Variants in MBTD1 observed in about 807,000 individuals in gnomAD.
MBTD1 encodes MBT domain-containing protein 1.
Under a neutral mutation model 87.8 loss-of-function variants are expected in MBTD1, and 24 were observed. The ratio of observed to expected loss-of-function variants is 0.27; its 90% CI spans 0.20 to 0.38. The LOEUF (loss-of-function observed/expected upper bound fraction) is 0.38. Ranked by LOEUF, MBTD1 falls within the 10% of genes least tolerant of loss-of-function variation. The probability of loss-of-function intolerance (pLI) is 1.00; values close to 1 mark genes in which losing one functional copy is unlikely to be tolerated. For synonymous variants in MBTD1, 237 were observed against 248.6 expected, an observed-to-expected ratio of 0.95 and a Z score of 0.44; for missense variants, 436 against 760.2, an observed-to-expected ratio of 0.57 and a Z score of 5.02.
intron 2 of MBTD1, among the ~76,000 whole-genome samples, chr17:51,235,422 C>T (rs1021600079): frequency 6.6e-6 from 1 of 152,078 alleles, no homozygotes; most frequent in Non-Finnish European, 1.5e-5. Context: ...ACAGGTGTGA[C>T]CCATTATGCC....
chr17:51,243,816 C>T (rs971132436), intron 2 of MBTD1, among the ~76,000 whole-genome samples: 1 of 152,126 alleles, frequency 6.6e-6, no homozygotes, highest in Non-Finnish European at 1.5e-5. Flanking sequence ...TGTACACTGA[C>T]GTGTTTCGTT....
chr17:51,222,389 G>A (rs1322360562), intron 3 of MBTD1, among the ~76,000 whole-genome samples: 5 of 151,688 alleles, frequency 3.3e-5, no homozygotes, highest in Admixed American at 2.6e-4. Flanking sequence ...GAAGACACGG[G>A]TAGTTTTTTT....
At chr17:51,223,423 CT>C (rs777854804) in intron 3 of MBTD1, among the ~76,000 whole-genome samples, 2 of 151,908 alleles carry the variant, frequency 1.3e-5, no homozygotes, top group Admixed American at 1.3e-4. Flanking sequence ...ACAGTACCAG[CT>C]ACTTGGGAGG....
At chr17:51,194,273 T>C (rs1490917773) in intron 13 of MBTD1, among the ~76,000 whole-genome samples, 2 of 152,130 alleles carry the variant, frequency 1.3e-5, no homozygotes, top group Non-Finnish European at 2.9e-5. Context: ...GCCATCCTTT[T>C]AAAAGTCCAC....
intron 2 of MBTD1, among the ~76,000 whole-genome samples, chr17:51,234,478 C>A (rs6504699): frequency 0.16 from 23,113 of 149,074 alleles, 1,999 homozygotes; most frequent in Admixed American, 0.23. Flanking sequence ...ATATTATCAA[C>A]AACCTTATGA....
rs1308443806 is a variant in MBTD1 at position 51,180,669 on chromosome 17, C to T, written c.1794G>A (p.Glu598=). 2 of 1,548,960 alleles carry T rather than the reference C, an allele frequency of 1.3e-6. No homozygotes were observed. Among genetic ancestry groups the T allele is most frequent in the South Asian group, 1.2e-5 (1 of 84,004 alleles). ...KKMTTLQLKE[E]LLDGEDYNFL... ...AATTATAATCCTCTCCATCCAGCAA[C>T]TCCTCCTTCAGCTGCAGTGTTGTCA... The change falls in exon 17 of 17, where the codon GAG becomes GAA. Residue 598 remains glutamate, a synonymous_variant. Transcript: ENST00000586178.
At chr17:51,222,410 G>A (rs1259613864) in intron 3 of MBTD1, among the ~76,000 whole-genome samples, 1 of 150,470 alleles carries the variant, frequency 6.6e-6, no homozygotes, top group African/African-American at 2.5e-5. Flanking sequence ...GTTTTGTTTT[G>A]TTTGTTTTTT....
At chr17:51,201,543 A>G (rs1211283489) in intron 12 of MBTD1, 49 bp downstream of exon 12, 2 of 1,216,604 alleles carry the variant, frequency 1.6e-6, no homozygotes, top group Non-Finnish European at 2.4e-6. Context: ...ATTAGCTTAT[A>G]CCCAAATCCT....
At chr17:51,218,447 C>T (rs1482293112) in intron 5 of MBTD1, among the ~76,000 whole-genome samples, 2 of 147,826 alleles carry the variant, frequency 1.4e-5, no homozygotes, top group South Asian at 2.1e-4. Flanking sequence ...GAGAATTGTT[C>T]GAACCCATGA....
intron 12 of MBTD1, among the ~76,000 whole-genome samples, chr17:51,201,323 T>A (rs4273084): frequency 0.49 from 74,325 of 151,976 alleles, 18,492 homozygotes; most frequent in African/African-American, 0.54. Flanking sequence ...ACTAGCCTTG[T>A]CTAGAAGTAA....
chr17:51,203,066 C>G, intron 9 of MBTD1, 74 bp downstream of exon 9: 2 of 1,331,842 alleles, frequency 1.5e-6, no homozygotes, highest in Non-Finnish European at 2.1e-6. Context: ...AAAATTAAAC[C>G]AATTCCTTAA....
chr17:51,188,267 C>T (rs1321914511), intron 16 of MBTD1, among the ~76,000 whole-genome samples: 1 of 152,172 alleles, frequency 6.6e-6, no homozygotes, highest in African/African-American at 2.4e-5. Flanking sequence ...GCTTTTGAGA[C>T]TAGAGAGTGT....
intron 2 of MBTD1, among the ~76,000 whole-genome samples, chr17:51,252,174 A>C (rs2054824715): frequency 6.6e-6 from 1 of 152,216 alleles, no homozygotes; most frequent in African/African-American, 2.4e-5. Flanking sequence ...CAGCGCATTT[A>C]AACCTTATGA....
chr17:51,187,801 A>C (rs1383760408), intron 16 of MBTD1, among the ~76,000 whole-genome samples: 1 of 151,116 alleles, frequency 6.6e-6, no homozygotes, highest in Admixed American at 6.6e-5. Context: ...GCGAGCCGAC[A>C]GTGCACCACT....
In MBTD1 at chr17:51,249,094, C is replaced by CAA. The variant is rs34803999; in HGVS notation, c.-49+10047_-49+10048dup. On this transcript the variant is annotated intron_variant, in intron 2 of 16. Transcript: ENST00000586178. Reference sequence around the variant, plus strand: ...GGCGAGACTTCGTCTCTACAATAAGCAAAAAAAAAAAAAAAATTAGCTGGG... The same window carrying CAA: ...GGCGAGACTTCGTCTCTACAATAAGCAAAAAAAAAAAAAAAAAATTAGCTGGG... Among the ~76,000 whole-genome samples, 1,311 of 132,586 alleles carry CAA rather than the reference C, an allele frequency of 9.9e-3. 16 individuals are homozygous for CAA. The highest frequency in any genetic ancestry group is 0.022 in the African/African-American group (758 of 34,454). 87.0% of individuals were successfully genotyped at this position (132,586 alleles called of 152,430 possible).
chr17:51,182,149 T>C (rs2050341993), intron 16 of MBTD1, among the ~76,000 whole-genome samples: 3 of 146,936 alleles, frequency 2.0e-5, no homozygotes, highest in South Asian at 4.3e-4. Context: ...TTTTGAGACA[T>C]AGTCTCACTC....
chr17:51,187,329 G>A (rs1263117185), intron 16 of MBTD1, among the ~76,000 whole-genome samples: 1 of 151,256 alleles, frequency 6.6e-6, no homozygotes, highest in Non-Finnish European at 1.5e-5. Context: ...TTGAGCCCAA[G>A]GGTTCAAGGC....
chr17:51,246,233 C>G (rs951059140), intron 2 of MBTD1, among the ~76,000 whole-genome samples: 1 of 152,184 alleles, frequency 6.6e-6, no homozygotes, highest in Non-Finnish European at 1.5e-5. Context: ...AACTTATACA[C>G]ATAGCCTGAA....
In MBTD1 at chr17:51,239,252, A is replaced by T. The variant is rs911437190; in HGVS notation, c.-48-14043T>A. Among the ~76,000 whole-genome samples, 4 of 152,238 alleles carry T rather than the reference A, an allele frequency of 2.6e-5. No individual in the cohort carries two copies. The East Asian group carries it at 7.7e-4, about 29-fold the overall frequency. On this transcript the variant is annotated intron_variant, in intron 2 of 16. Coordinates refer to ENST00000586178, the MANE Select transcript of MBTD1 (RefSeq NM_017643.3). ...AAAGAGCAAATGTCTATTTGTATCA[A>T]CTAATACACTTTTTATTTTTCATAA...
Sources: allele counts gnomAD v4.1 joint callset (sites outside exome capture counted in the v4.1 genomes callset), GRCh38; gene constraint gnomAD v4.1.1; transcripts MANE v1.5; gene names NCBI Gene and HGNC (gene_info 2026-07-23, HGNC 2026-07-21).